Variants in PRR22 observed in about 807,000 individuals in gnomAD.
PRR22 encodes the protein proline-rich protein 22.
A neutral mutation model predicts 7.2 loss-of-function variants in PRR22; 5 were observed. The observed-to-expected ratio is 0.69, with a 90% CI of 0.36 to 1.45. PRR22 has a LOEUF of 1.45. Ranked by LOEUF, PRR22 falls within the 40% of genes most tolerant of loss-of-function variation. The probability of loss-of-function intolerance (pLI) is 0.03; values close to 1 mark genes in which losing one functional copy is unlikely to be tolerated. For missense variants in PRR22, 619 were observed against 568.8 expected (o/e 1.09, Z -0.90); for synonymous variants, 319 against 269.3 (o/e 1.18, Z -1.81).
rs766450614 is a variant in PRR22, at chr19:5,784,177, A to T, written c.194-124T>A. The T allele has an allele frequency of 3.7e-6, 4 of 1,085,094 alleles. No homozygotes were observed. The Admixed American group carries it at 6.7e-5, about 18-fold the overall frequency. 67.2% of individuals were successfully genotyped at this position (1,085,094 alleles called of 1,614,324 possible). A position where few individuals can be genotyped will look rare whatever the true frequency, so the allele number is the denominator to read the frequency against. ...TTGGGGGGCCCCTTTGGGGGACGACATAGATATTGCTTTGGGGCCCTGGCT... is the reference window on the plus strand; with the variant it reads ...TTGGGGGGCCCCTTTGGGGGACGACTTAGATATTGCTTTGGGGCCCTGGCT... On this transcript the variant is annotated intron_variant, in intron 2 of 2. Coordinates refer to ENST00000419421, the MANE Select transcript of PRR22 (RefSeq NM_001134316.2).
At position 5,784,552 on chromosome 19, in the gene PRR22, C is replaced by T. The variant is rs1032416508; in HGVS notation, c.109G>A (p.Ala37Thr). 3 of 1,548,886 alleles carry T rather than the reference C, an allele frequency of 1.9e-6. No homozygotes were observed. In the African/African-American group the frequency reaches 4.1e-5, roughly 21 times the overall value. The change falls in exon 1 of 3, where the codon GCC becomes ACC. Residue 37 changes from alanine to threonine, a missense_variant. Coordinates refer to ENST00000419421, the MANE Select transcript of PRR22 (RefSeq NM_001134316.2). The part of the protein sequence containing the change: ...VLGNQPAPTC[A>T]EPPPAMGSLN... The stretch of plus-strand genomic sequence containing the variant: ...GTACCCATAGCGGGAGGAGGCTCGG[C>T]ACAGGTGGGAGCAGGCTGGTTGCCC...
Position 5,783,018 on chromosome 19 carries a change from G to A in PRR22, c.1229C>T (p.Pro410Leu), listed in dbSNP as rs750144834. ...RQPAGPASAT[P>L]PGPREDLGAT... ...TCCCAGGTCCTCCCTGGGCCCCGGG[G>A]GAGTGGCGCTGGCTGGGCCTGCCGG... Residue 410 changes from proline to leucine, a missense_variant, in exon 3 of 3, where the codon CCC becomes CTC. Physicochemically the swap from Pro to Leu is moderately conservative, Grantham distance 98. Transcript: ENST00000419421. 3 of 1,550,386 alleles carry A rather than the reference G, an allele frequency of 1.9e-6. No individual in the cohort carries two copies. The highest frequency in any genetic ancestry group is 2.0e-5 in the Admixed American group (1 of 51,214).
rs770393581 is a variant in PRR22, at chr19:5,782,982, T to C, written c.1265A>G (p.His422Arg). 2.6e-6 allele frequency: 4 copies of C among 1,519,700 alleles called. No individual in the cohort carries two copies. Among genetic ancestry groups the C allele is most frequent in the African/African-American group, 1.4e-5 (1 of 71,832 alleles). 94.1% of individuals were successfully genotyped at this position (1,519,700 alleles called of 1,614,324 possible). A position where few individuals can be genotyped will look rare whatever the true frequency, so the allele number is the denominator to read the frequency against. The change falls in exon 3 of 3, where the codon CAT (histidine) becomes CGT (arginine). Residue 422 changes from histidine to arginine, a missense_variant. By Grantham distance (29) the His-to-Arg change is conservative (BLOSUM62 0). Transcript: ENST00000419421. ...AGCTGAAAGGTCAAATGTGCTTTAA[T>C]GCGGGGTGGCTCCCAGGTCCTCCCT... is the stretch of plus-strand genomic sequence containing the variant. The part of the protein sequence containing the change: ...GPREDLGATP[H>R]
chr19:5,783,047 C>A lies in PRR22; in HGVS notation c.1200G>T (p.Arg400Ser). 6.4e-7 allele frequency: 1 copy of A among 1,573,632 alleles called. No homozygotes were observed. Among genetic ancestry groups the A allele is most frequent in the African/African-American group, 1.3e-5 (1 of 74,188 alleles). ...TGGCGCTGGCTGGGCCTGCCGGCTG[C>A]CTGGCCTTCCTTCCCGGCTTTCCCT... ...AKKGKPGRKA[R>S]QPAGPASATP... Residue 400 changes from arginine (R) to serine (S), a missense_variant, in exon 3 of 3, where the codon AGG becomes AGT. Physicochemically the swap from Arg to Ser is moderately radical, Grantham distance 110. Transcript: ENST00000419421.
rs748316788 is a variant in PRR22, at chr19:5,784,159, GC to G, written c.194-107del. 3 of 1,183,994 alleles carry G rather than the reference GC, an allele frequency of 2.5e-6. No individual in the cohort carries two copies. The South Asian group carries it at 3.7e-5, about 14-fold the overall frequency. The allele number at this position is 1,183,994 out of a possible 1,614,324, so 73.3% of individuals were successfully genotyped here. The stretch of plus-strand genomic sequence containing the variant: ...GCCACAAGAACCTTGCCATTGGGGG[GC>G]CCCTTTGGGGGACGACATAGATATT... On this transcript the variant is annotated intron_variant, in intron 2 of 2. Coordinates refer to ENST00000419421, the MANE Select transcript of PRR22 (RefSeq NM_001134316.2).
rs1482520682 is a variant in PRR22 at position 5,783,050 on chromosome 19, G to A, written c.1197C>T (p.Ala399=). ...TAKKGKPGRK[A]RQPAGPASAT... The stretch of plus-strand genomic sequence containing the variant: ...CGCTGGCTGGGCCTGCCGGCTGCCT[G>A]GCCTTCCTTCCCGGCTTTCCCTTCT... The change falls in exon 3 of 3, where the codon GCC becomes GCT. Residue 399 remains alanine, a synonymous_variant. Coordinates refer to ENST00000419421, the MANE Select transcript of PRR22 (RefSeq NM_001134316.2). The A allele has an allele frequency of 6.3e-7, 1 of 1,577,180 alleles. No homozygotes were observed. Among genetic ancestry groups the A allele is most frequent in the Admixed American group, 1.8e-5 (1 of 56,218 alleles).
In PRR22 at chr19:5,783,047, C is replaced by G. The variant is rs771387215; in HGVS notation, c.1200G>C (p.Arg400Ser). 5.1e-6 allele frequency: 8 copies of G among 1,573,514 alleles called. No individual in the cohort carries two copies. The highest frequency in any genetic ancestry group is 1.7e-4 in the Middle Eastern group (1 of 5,782). The change falls in exon 3 of 3, where the codon AGG becomes AGC. Residue 400 changes from arginine (R) to serine (S), a missense_variant. Physicochemically the swap from Arg to Ser is moderately radical, Grantham distance 110 (BLOSUM62 -1). Coordinates refer to ENST00000419421, the MANE Select transcript of PRR22 (RefSeq NM_001134316.2). ...TGGCGCTGGCTGGGCCTGCCGGCTGCCTGGCCTTCCTTCCCGGCTTTCCCT... is the reference window on the plus strand; with the variant it reads ...TGGCGCTGGCTGGGCCTGCCGGCTGGCTGGCCTTCCTTCCCGGCTTTCCCT... Reference protein sequence around the residue: ...AKKGKPGRKARQPAGPASATP... With the variant: ...AKKGKPGRKASQPAGPASATP...
chr19:5,783,496 T>G lies in PRR22; in HGVS notation c.751A>C (p.Ser251Arg), dbSNP rs778215850. Reference sequence around the variant, plus strand: ...TTGACCTCGGCCACCTTGAGCTCGCTGAGGCCCGGTGGGTACAGGGGCACC... The same window carrying G: ...TTGACCTCGGCCACCTTGAGCTCGCGGAGGCCCGGTGGGTACAGGGGCACC... Reference protein sequence around the residue: ...PGVPLYPPGLSELKVAEVKEG... With the variant: ...PGVPLYPPGLRELKVAEVKEG... The change falls in exon 3 of 3, where the codon AGC becomes CGC. Residue 251 changes from serine to arginine, a missense_variant. Ser to Arg is a moderately radical substitution (Grantham distance 110, BLOSUM62 -1). Coordinates refer to ENST00000419421, the MANE Select transcript of PRR22 (RefSeq NM_001134316.2). 3.1e-6 allele frequency: 5 copies of G among 1,602,314 alleles called. No homozygotes were observed. In the Admixed American group the frequency reaches 8.6e-5, roughly 27 times the overall value.
At chr19:5,784,479 G>A (rs750118723) in intron 1 of PRR22, 40 bp from the exon 2 acceptor site, 334 of 1,550,222 alleles carry the variant, frequency 2.2e-4, no homozygotes, top group Admixed American at 8.1e-4. Context: ...GCCCTTAGGC[G>A]GGTGGGCCCC....
At position 5,783,929 on chromosome 19, in the gene PRR22, C is replaced by T; in HGVS notation, c.318G>A (p.Gly106=). The T allele has an allele frequency of 6.3e-7, 1 of 1,579,780 alleles. No individual in the cohort carries two copies. The highest frequency in any genetic ancestry group is 8.6e-7 in the Non-Finnish European group (1 of 1,163,872). ...GGTAGCTGCCTGGGGCGGAGGGGAC[C>T]CCCGCTGGCCCCCCGCTGCTTGCTG... ...KLAASSGGPA[G]VPSAPGSYLL... Residue 106 remains glycine (G), a synonymous_variant, in exon 3 of 3, where the codon GGG becomes GGA. Coordinates refer to ENST00000419421, the MANE Select transcript of PRR22 (RefSeq NM_001134316.2).
At position 5,783,005 on chromosome 19, in the gene PRR22, C is replaced by T; in HGVS notation, c.1242G>A (p.Arg414=). 2 of 1,537,570 alleles carry T rather than the reference C, an allele frequency of 1.3e-6. No homozygotes were observed. Among genetic ancestry groups the T allele is most frequent in the Non-Finnish European group, 1.7e-6 (2 of 1,145,546 alleles). Residue 414 remains arginine, a synonymous_variant, in exon 3 of 3, where the codon AGG becomes AGA. Transcript: ENST00000419421. ...AATGCGGGGTGGCTCCCAGGTCCTC[C>T]CTGGGCCCCGGGGGAGTGGCGCTGG... is the stretch of plus-strand genomic sequence containing the variant. ...GPASATPPGP[R]EDLGATPH
Position 5,784,526 on chromosome 19 carries a change from C to T in PRR22, c.130+5G>A, listed in dbSNP as rs890016900. The T allele has an allele frequency of 2.4e-5, 37 of 1,550,072 alleles. No homozygotes were observed. The highest frequency in any genetic ancestry group is 1.7e-4 in the Middle Eastern group (1 of 5,926). On this transcript the variant is annotated splice_donor_5th_base_variant and intron_variant, in intron 1 of 2. Transcript: ENST00000419421. ...CAGCAGGTGCTCCCACCCACCCGAT[C>T]GTACCCATAGCGGGAGGAGGCTCGG...
rs771295513 is a variant in PRR22, at chr19:5,783,649, G to C, written c.598C>G (p.Leu200Val). 3.1e-6 allele frequency: 5 copies of C among 1,590,132 alleles called. No individual in the cohort carries two copies. The highest frequency in any genetic ancestry group is 4.3e-6 in the Non-Finnish European group (5 of 1,168,086). Reference sequence around the variant, plus strand: ...GGGGGCAGTGTGGGCTCTGCAGGCAGCGTGATGAGTACAGGGGGCGGCTTG... The same window carrying C: ...GGGGGCAGTGTGGGCTCTGCAGGCACCGTGATGAGTACAGGGGGCGGCTTG... ...ENKPPPVLIT[L>V]PAEPTLPPDA... Residue 200 changes from leucine to valine, a missense_variant, in exon 3 of 3, where the codon CTG becomes GTG. Physicochemically the swap from Leu to Val is conservative, Grantham distance 32 (BLOSUM62 1). Coordinates refer to ENST00000419421, the MANE Select transcript of PRR22 (RefSeq NM_001134316.2).
Position 5,783,475 on chromosome 19 carries a change from C to A in PRR22, c.772G>T (p.Val258Phe). 6.2e-7 allele frequency: 1 copy of A among 1,605,004 alleles called. No individual in the cohort carries two copies. Among genetic ancestry groups the A allele is most frequent in the South Asian group, 1.1e-5 (1 of 90,230 alleles). The change falls in exon 3 of 3, where the codon GTC becomes TTC. Residue 258 changes from valine (V) to phenylalanine (F), a missense_variant. Physicochemically the swap from Val to Phe is conservative, Grantham distance 50. Coordinates refer to ENST00000419421, the MANE Select transcript of PRR22 (RefSeq NM_001134316.2). Reference sequence around the variant, plus strand: ...GCTCCCAGCAGGGCCCCCTCCTTGACCTCGGCCACCTTGAGCTCGCTGAGG... The same window carrying A: ...GCTCCCAGCAGGGCCCCCTCCTTGAACTCGGCCACCTTGAGCTCGCTGAGG... ...PGLSELKVAEVKEGALLGAGK... is the reference protein window; with the variant it reads ...PGLSELKVAEFKEGALLGAGK...
Position 5,783,923 on chromosome 19 carries a change from G to A in PRR22, c.324C>T (p.Pro108=), listed in dbSNP as rs768280239. The A allele has an allele frequency of 6.3e-7, 1 of 1,578,488 alleles. No individual in the cohort carries two copies. Among genetic ancestry groups the A allele is most frequent in the Non-Finnish European group, 8.6e-7 (1 of 1,163,308 alleles). The change falls in exon 3 of 3, where the codon CCC becomes CCT. Residue 108 remains proline (P), a synonymous_variant. Coordinates refer to ENST00000419421, the MANE Select transcript of PRR22 (RefSeq NM_001134316.2). ...AASSGGPAGV[P]SAPGSYLLEP... The stretch of plus-strand genomic sequence containing the variant: ...CCAGGAGGTAGCTGCCTGGGGCGGA[G>A]GGGACCCCCGCTGGCCCCCCGCTGC...
In PRR22 at chr19:5,783,141, G is replaced by A. The variant is rs375221077; in HGVS notation, c.1106C>T (p.Pro369Leu). 88 of 1,612,422 alleles carry A rather than the reference G, an allele frequency of 5.5e-5. No homozygotes were observed. Among genetic ancestry groups the A allele is most frequent in the Middle Eastern group, 3.3e-4 (2 of 6,076 alleles). The change falls in exon 3 of 3, where the codon CCG becomes CTG. Residue 369 changes from proline to leucine, a missense_variant. Coordinates refer to ENST00000419421, the MANE Select transcript of PRR22 (RefSeq NM_001134316.2). ...CGGGGTGTTGGTGGCAGGGGGCCCCGGGTGGGGCGGCTGCTCCTCGTCGAG... is the reference window on the plus strand; with the variant it reads ...CGGGGTGTTGGTGGCAGGGGGCCCCAGGTGGGGCGGCTGCTCCTCGTCGAG... Reference protein sequence around the residue: ...KALDEEQPPHPGPPATNTPAP... With the variant: ...KALDEEQPPHLGPPATNTPAP...
Position 5,783,158 on chromosome 19 carries a change from C to A in PRR22, c.1089G>T (p.Glu363Asp), listed in dbSNP as rs780324440. Residue 363 changes from glutamate (E) to aspartate (D), a missense_variant, in exon 3 of 3, where the codon GAG (glutamate) becomes GAT (aspartate). Glu to Asp is a conservative substitution (Grantham distance 45). Coordinates refer to ENST00000419421, the MANE Select transcript of PRR22 (RefSeq NM_001134316.2). ...DYFFNFKALD[E>D]EQPPHPGPPA... is the part of the protein sequence containing the mutation. ...GGGGCCCCGGGTGGGGCGGCTGCTC[C>A]TCGTCGAGCGCCTTGAAGTTGAAGA... The A allele has an allele frequency of 2.5e-6, 4 of 1,612,558 alleles. No homozygotes were observed. The highest frequency in any genetic ancestry group is 3.4e-6 in the Non-Finnish European group (4 of 1,179,880).
rs1009250895 is a variant in PRR22, at chr19:5,783,229, A to G, written c.1018T>C (p.Tyr340His). The stretch of plus-strand genomic sequence containing the variant: ...GTGTCCAGGATCTCAGGCACGCTGT[A>G]GTCAAAGGACAGCAGCTCCTCGGGC... ...CLPEELLSFDYSVPEILDTVS... is the reference protein window; with the variant it reads ...CLPEELLSFDHSVPEILDTVS... Residue 340 changes from tyrosine to histidine, a missense_variant, in exon 3 of 3, where the codon TAC becomes CAC. Transcript: ENST00000419421. 2 of 1,612,770 alleles carry G rather than the reference A, an allele frequency of 1.2e-6. No homozygotes were observed. Among genetic ancestry groups the G allele is most frequent in the African/African-American group, 2.7e-5 (2 of 75,038 alleles).
In PRR22 at chr19:5,784,245, G is replaced by C. The variant is rs371094924; in HGVS notation, c.193+132C>G. The C allele has an allele frequency of 5.1e-5, 57 of 1,123,844 alleles. 1 individual carries two copies. The highest frequency in any genetic ancestry group is 3.1e-5 in the African/African-American group (2 of 64,780). 69.6% of individuals were successfully genotyped at this position (1,123,844 alleles called of 1,614,324 possible). A position where few individuals can be genotyped will look rare whatever the true frequency, so the allele number is the denominator to read the frequency against. On this transcript the variant is annotated intron_variant, in intron 2 of 2. Coordinates refer to ENST00000419421, the MANE Select transcript of PRR22 (RefSeq NM_001134316.2). ...GAGCTTGTCTTTGGGGCTCATCTGG[G>C]GGACCTGTGTGAAGCATGGGGAGCA...
Sources: gnomAD v4.1 joint callset for allele counts on GRCh38, gnomAD v4.1.1 for gene constraint, MANE v1.5 for transcripts, NCBI Gene and HGNC (gene_info 2026-07-23, HGNC 2026-07-21) for gene names.